Variants in DEF8 observed in about 807,000 individuals in gnomAD.
DEF8 encodes DEF-8.
A neutral mutation model predicts 59.1 loss-of-function variants in DEF8; 38 were observed. That is an observed-to-expected ratio of 0.64 (90% CI 0.50 to 0.84). The LOEUF is 0.84. Among genes scored for constraint, DEF8 ranks in the 40% least tolerant of loss-of-function variants. The probability of loss-of-function intolerance (pLI) is 0.00; values close to 1 mark genes in which losing one functional copy is unlikely to be tolerated. For missense variants in DEF8, 557 were observed against 615.2 expected (o/e 0.91, Z 1.00); for synonymous variants, 265 against 250.1 (o/e 1.06, Z -0.56).
chr16:89,950,949 C>A (rs1319806813), intron 2 of DEF8, among the ~76,000 whole-genome samples: 3 of 152,172 alleles, frequency 2.0e-5, no homozygotes, highest in Non-Finnish European at 4.4e-5. Flanking sequence ...CCACTGCACT[C>A]CAGCTCGGGT....
Position 89,954,806 on chromosome 16 carries a change from G to GGTTC in DEF8, c.125-360_125-357dup, listed in dbSNP as rs1555631156. On this transcript the variant is annotated intron_variant, in intron 3 of 12. Transcript: ENST00000563594. The surrounding 1 kb of genome is among the most constrained non-coding windows in gnomAD (Gnocchi z 4.3). The stretch of plus-strand genomic sequence containing the variant: ...AGAGACGGCCTGGAGTCGACACTGG[G>GGTTC]GTTCGTGGATTTTGCTGTGTAGCCA... 2.0e-5 allele frequency among the ~76,000 whole-genome samples: 3 copies of GGTTC among 152,140 alleles called. No homozygotes were observed. Among genetic ancestry groups the GGTTC allele is most frequent in the Non-Finnish European group, 4.4e-5 (3 of 68,008 alleles).
intron 6 of DEF8, among the ~76,000 whole-genome samples, chr16:89,960,472 A>G (rs537444676): frequency 4.6e-5 from 7 of 152,216 alleles, no homozygotes; most frequent in East Asian, 1.9e-4. Context: ...TTGCACGACT[A>G]CACTCCAGCC....
chr16:89,949,109 T>TCGGGGCCGGCGGGGA (rs1267877782), intron 1 of DEF8, among the ~76,000 whole-genome samples: 6 of 55,048 alleles, frequency 1.1e-4, no homozygotes, highest in Non-Finnish European at 2.3e-4. Context: ...GCCGGCGAGG[T>TCGGGGCCGGCGGGGA]CGGGGCCGGC....
In DEF8 at chr16:89,948,821, G is replaced by T; in HGVS notation, c.-108+7G>T. On this transcript the variant is annotated splice_region_variant and intron_variant, in intron 1 of 12. Coordinates refer to ENST00000563594, the MANE Select transcript of DEF8 (RefSeq NM_001242818.2). ...GATGCGAGGCGGCGGTCAGGTGAGC[G>T]GCGCGGGGCCGGCGGGGTCGGGGCC... The T allele has an allele frequency of 1.0e-6, 1 of 979,600 alleles. No homozygotes were observed. The highest frequency in any genetic ancestry group is 1.2e-6 in the Non-Finnish European group (1 of 828,424). 60.7% of individuals were successfully genotyped at this position (979,600 alleles called of 1,614,324 possible).
rs1032730184 is a variant in DEF8 at position 89,954,482 on chromosome 16, G to A, written c.124+106G>A. 5.8e-5 allele frequency: 75 copies of A among 1,300,238 alleles called. 1 individual carries two copies. The highest frequency in any genetic ancestry group is 1.4e-4 in the Admixed American group (6 of 42,328). 80.5% of individuals were successfully genotyped at this position (1,300,238 alleles called of 1,614,324 possible). A position where few individuals can be genotyped will look rare whatever the true frequency, so the allele number is the denominator to read the frequency against. On this transcript the variant is annotated intron_variant, in intron 3 of 12. Transcript: ENST00000563594. The surrounding 1 kb of genome is among the most constrained non-coding windows in gnomAD (Gnocchi z 4.3). ...TCCTGCGCAGCCCTGGCTTTCCCAC[G>A]GAGCCGGCACCTGCTGGCTGTGTTC...
intron 12 of DEF8, among the ~76,000 whole-genome samples, chr16:89,965,149 G>A (rs2151224078): frequency 6.6e-6 from 1 of 152,052 alleles, no homozygotes; most frequent in South Asian, 2.1e-4. Flanking sequence ...AGTGGCTCTT[G>A]GAAAAATAAT....
intron 2 of DEF8, among the ~76,000 whole-genome samples, chr16:89,951,402 G>A (rs1449354438): frequency 6.6e-6 from 1 of 151,886 alleles, no homozygotes. Flanking sequence ...CCACCACCAC[G>A]CCCGGCTAAT....
At chr16:89,961,677 T>C in intron 7 of DEF8, 60 bp from the exon 8 acceptor site, 2 of 1,601,446 alleles carry the variant, frequency 1.2e-6, no homozygotes, top group Non-Finnish European at 1.7e-6. Flanking sequence ...ACCATGAGGC[T>C]GGAAAGCTGT....
chr16:89,963,882 G>A (rs766207172), intron 10 of DEF8: 45 of 539,486 alleles, frequency 8.3e-5, no homozygotes, highest in South Asian at 8.0e-4. Context: ...GATAGAGAAG[G>A]AAGGGTGGGG....
At position 89,964,248 on chromosome 16, in the gene DEF8, C is replaced by T; in HGVS notation, c.1081C>T (p.Leu361=). 3 of 1,488,904 alleles carry T rather than the reference C, an allele frequency of 2.0e-6. No homozygotes were observed. Among genetic ancestry groups the T allele is most frequent in the Non-Finnish European group, 2.7e-6 (3 of 1,118,766 alleles). 92.2% of individuals were successfully genotyped at this position (1,488,904 alleles called of 1,614,324 possible). A position where few individuals can be genotyped will look rare whatever the true frequency, so the allele number is the denominator to read the frequency against. ...CCTCCTGGACGTGCATGCCGGCCGCCTGGGCTGCTCGCTCACCGAGATCCA... is the reference window on the plus strand; with the variant it reads ...CCTCCTGGACGTGCATGCCGGCCGCTTGGGCTGCTCGCTCACCGAGATCCA... ...QDLLDVHAGR[L]GCSLTEIHTL... Residue 361 remains leucine, a synonymous_variant, in exon 11 of 13, where the codon CTG becomes TTG. Coordinates refer to ENST00000563594, the MANE Select transcript of DEF8 (RefSeq NM_001242818.2).
At chr16:89,961,310 G>C (rs1391400091) in intron 7 of DEF8, among the ~76,000 whole-genome samples, 1 of 152,218 alleles carries the variant, frequency 6.6e-6, no homozygotes, top group African/African-American at 2.4e-5. Flanking sequence ...GACTCACCCA[G>C]GTCACTGAGG....
At chr16:89,960,013 G>T (rs2033814403) in intron 6 of DEF8, among the ~76,000 whole-genome samples, 1 of 152,008 alleles carries the variant, frequency 6.6e-6, no homozygotes, top group Non-Finnish European at 1.5e-5. Context: ...AGAGCCAGGT[G>T]TGGCTGCAGC....
Position 89,954,212 on chromosome 16 carries a change from G to C in DEF8, c.-10-31G>C. The C allele has an allele frequency of 6.2e-7, 1 of 1,605,836 alleles. No individual in the cohort carries two copies. The highest frequency in any genetic ancestry group is 1.3e-5 in the African/African-American group (1 of 74,926). The stretch of plus-strand genomic sequence containing the variant: ...TGGTCCGTGGTGAGCCTGGTACCTG[G>C]GGACTCATCCTGGCCCTGCCTGGCC... On this transcript the variant is annotated intron_variant, in intron 2 of 12. Coordinates refer to ENST00000563594, the MANE Select transcript of DEF8 (RefSeq NM_001242818.2). This position sits in a 1 kb window ranked among gnomAD's most constrained non-coding sequence, Gnocchi z 4.3.
intron 12 of DEF8, among the ~76,000 whole-genome samples, chr16:89,965,484 G>T (rs2034522319): frequency 1.3e-5 from 2 of 152,186 alleles, no homozygotes; most frequent in South Asian, 4.1e-4. Flanking sequence ...TTAAAAGTTT[G>T]AACTAGGCTG....
intron 2 of DEF8, among the ~76,000 whole-genome samples, chr16:89,952,013 G>C (rs1445716734): frequency 6.6e-6 from 1 of 152,074 alleles, no homozygotes; most frequent in Non-Finnish European, 1.5e-5. Flanking sequence ...GAGTAGCTGG[G>C]GCTACAGGCG....
Position 89,964,297 on chromosome 16 carries a change from A to G in DEF8, c.1130A>G (p.Lys377Arg). The G allele has an allele frequency of 1.3e-6, 2 of 1,593,668 alleles. No individual in the cohort carries two copies. Among genetic ancestry groups the G allele is most frequent in the Non-Finnish European group, 1.7e-6 (2 of 1,170,016 alleles). The stretch of plus-strand genomic sequence containing the variant: ...CACACGCTCTTCGCCAAGCACATCA[A>G]GCTGGACTGCGAGGTGGGCCTCTGC... ...EIHTLFAKHI[K>R]LDCERCQAKG... Residue 377 changes from lysine (K) to arginine (R), a missense_variant, in exon 11 of 13, where the codon AAG becomes AGG. Physicochemically the swap from Lys to Arg is conservative, Grantham distance 26 (BLOSUM62 2). Coordinates refer to ENST00000563594, the MANE Select transcript of DEF8 (RefSeq NM_001242818.2).
chr16:89,954,323 C>T lies in DEF8; in HGVS notation c.71C>T (p.Pro24Leu), dbSNP rs553645509. The T allele has an allele frequency of 2.5e-5, 41 of 1,613,780 alleles. No homozygotes were observed. Among genetic ancestry groups the T allele is most frequent in the African/African-American group, 5.3e-5 (4 of 74,984 alleles). ...HLNPFNKQSG[P>L]RQHEQGPGEE... The stretch of plus-strand genomic sequence containing the variant: ...AACCCCTTCAACAAGCAGTCTGGGC[C>T]GAGACAGCATGAGCAGGGCCCTGGG... The change falls in exon 3 of 13, where the codon CCG becomes CTG. Residue 24 changes from proline (P) to leucine (L), a missense_variant. Pro to Leu is a moderately conservative substitution (Grantham distance 98). Transcript: ENST00000563594. The surrounding 1 kb of genome is among the most constrained non-coding windows in gnomAD (Gnocchi z 4.3).
chr16:89,955,771 A>AT (rs1413022386), intron 4 of DEF8, among the ~76,000 whole-genome samples: 1 of 152,098 alleles, frequency 6.6e-6, no homozygotes, highest in African/African-American at 2.4e-5. Flanking sequence ...GGATATAATG[A>AT]TTTTTTTAAA....
chr16:89,949,056 T>C lies in DEF8; in HGVS notation c.-108+242T>C, dbSNP rs866903130. Among the ~76,000 whole-genome samples, 60 of 11,804 alleles carry C rather than the reference T, an allele frequency of 5.1e-3. 6 individuals carry two copies. The African/African-American group carries it at 0.06, about 12-fold the overall frequency. 7.7% of individuals were successfully genotyped at this position (11,804 alleles called of 152,430 possible). Reference sequence around the variant, plus strand: ...GGGACGGGGTCGGCGGGGTCGGGGCTGGGAGGGACGGGGCCGGCGGGGACG... The same window carrying C: ...GGGACGGGGTCGGCGGGGTCGGGGCCGGGAGGGACGGGGCCGGCGGGGACG... On this transcript the variant is annotated intron_variant, in intron 1 of 12. Transcript: ENST00000563594.
Sources: gnomAD v4.1 joint callset for allele counts (sites outside exome capture counted in the v4.1 genomes callset) on GRCh38, gnomAD v4.1.1 for gene constraint, Gnocchi (gnomAD v3.1) non-coding constraint, MANE v1.5 for transcripts, NCBI Gene and HGNC (gene_info 2026-07-23, HGNC 2026-07-21) for gene names.